The following THADA variants were observed in gnomAD, a reference collection of about 807,000 sequenced individuals.
THADA encodes the protein tRNA (32-2'-O)-methyltransferase regulator THADA.
A neutral mutation model predicts 219.8 loss-of-function variants in THADA; 213 were observed. The ratio of observed to expected loss-of-function variants is 0.97; its 90% CI spans 0.87 to 1.09. The LOEUF is 1.09. Ranked by LOEUF, THADA falls within the 50% of genes least tolerant of loss-of-function variation. The probability of loss-of-function intolerance (pLI) is 0.00; values close to 1 mark genes in which losing one functional copy is unlikely to be tolerated. For synonymous variants in THADA, 1,018 were observed against 828.9 expected (o/e 1.23, Z -3.92); for missense variants, 2,956 against 2,311.3 (o/e 1.28, Z -5.72).
At chr2:43,398,183 A>G (rs1156258469) in intron 28 of THADA, 44 bp from the exon 29 acceptor site, 1 of 1,585,756 alleles carries the variant, frequency 6.3e-7, no homozygotes, top group South Asian at 1.1e-5. Context: ...AGTCATCTCC[A>G]CATCTGTGAC....
intron 26 of THADA, among the ~76,000 whole-genome samples, chr2:43,479,888 G>A (rs992775588): frequency 1.3e-5 from 2 of 152,160 alleles, no homozygotes; most frequent in African/African-American, 4.8e-5. Flanking sequence ...GAATCTTAAA[G>A]TCAACCCAAA....
At chr2:43,479,801 C>T (rs1054609444) in intron 26 of THADA, among the ~76,000 whole-genome samples, 7 of 152,148 alleles carry the variant, frequency 4.6e-5, no homozygotes, top group Admixed American at 2.6e-4. Context: ...ATGAGAACAG[C>T]GAGGGGCTCA....
chr2:43,579,923 G>C (rs1022352838), intron 8 of THADA, among the ~76,000 whole-genome samples: 4 of 151,778 alleles, frequency 2.6e-5, no homozygotes, highest in Admixed American at 6.6e-5. Context: ...TTGGTTTTCA[G>C]TTACTTGCAG....
chr2:43,310,223 CCCG>C (rs1333915403), intron 31 of THADA, among the ~76,000 whole-genome samples: 12,165 of 52,914 alleles, frequency 0.23, 907 homozygotes, highest in African/African-American at 0.36. Context: ...CCCTCCCTTT[CCCG>C]CCCCCCCCCC....
chr2:43,273,222 C>A (rs961751912), intron 36 of THADA, among the ~76,000 whole-genome samples: 1 of 151,114 alleles, frequency 6.6e-6, no homozygotes, highest in Non-Finnish European at 1.5e-5. Flanking sequence ...ACTGCACTCT[C>A]GCCTGGGCGC....
chr2:43,307,048 A>G (rs1676946919), intron 31 of THADA, among the ~76,000 whole-genome samples: 1 of 152,236 alleles, frequency 6.6e-6, no homozygotes, highest in Admixed American at 6.5e-5. Flanking sequence ...TCTGTCTATG[A>G]AAGATTAACC....
At chr2:43,478,403 T>C (rs999166356) in intron 26 of THADA, among the ~76,000 whole-genome samples, 2 of 152,212 alleles carry the variant, frequency 1.3e-5, no homozygotes, top group African/African-American at 4.8e-5. Flanking sequence ...GGTATTGCTC[T>C]ACAGGTATTG....
chr2:43,562,213 T>A (rs1425709656), intron 15 of THADA: 1 of 152,186 alleles, frequency 6.6e-6, no homozygotes, highest in Non-Finnish European at 1.5e-5. Flanking sequence ...TTTTCTTTCC[T>A]TTTCTTTCTT....
At chr2:43,549,000 C>A (rs941478993) in intron 20 of THADA, among the ~76,000 whole-genome samples, 1 of 152,160 alleles carries the variant, frequency 6.6e-6, no homozygotes. Flanking sequence ...TGTTCCTATT[C>A]GGCCATCTTG....
At chr2:43,454,602 A>AACACACACACACACAC (rs35970227) in intron 26 of THADA, among the ~76,000 whole-genome samples, 1 of 148,976 alleles carries the variant, frequency 6.7e-6, no homozygotes, top group South Asian at 2.1e-4. Context: ...ACCCTGTCTA[A>AACACACACACACACAC]ACACACACAC....
intron 36 of THADA, among the ~76,000 whole-genome samples, chr2:43,256,604 A>G (rs1270832894): frequency 6.8e-6 from 1 of 146,420 alleles, no homozygotes. Context: ...TAAATAAATA[A>G]ATAAATAATT....
intron 26 of THADA, among the ~76,000 whole-genome samples, chr2:43,466,735 C>T (rs893432182): frequency 6.6e-6 from 1 of 152,104 alleles, no homozygotes; most frequent in Non-Finnish European, 1.5e-5. Flanking sequence ...CACAAAAACC[C>T]TAAGAGATAT....
chr2:43,561,537 G>A (rs1698063712), intron 15 of THADA, among the ~76,000 whole-genome samples: 1 of 152,150 alleles, frequency 6.6e-6, no homozygotes, highest in Admixed American at 6.5e-5. Flanking sequence ...TTTCACAAGT[G>A]AACTCCTAAT....
In THADA at chr2:43,371,176, C is replaced by T. The variant is rs530723930; in HGVS notation, c.4227+26795G>A. 6.1e-4 allele frequency among the ~76,000 whole-genome samples: 93 copies of T among 152,168 alleles called. No homozygotes were observed. In the South Asian group the frequency reaches 0.013, roughly 22 times the overall value. On this transcript the variant is annotated intron_variant, in intron 29 of 37. Transcript: ENST00000405975. ...TTTTAATTAACCATAAGCTTCAGTC[C>T]TTGGGGAACCTTTTTAGATAAAGAA...
At chr2:43,327,871 C>T (rs1015695757) in intron 30 of THADA, among the ~76,000 whole-genome samples, 2 of 152,136 alleles carry the variant, frequency 1.3e-5, no homozygotes, top group South Asian at 2.1e-4. Flanking sequence ...CTGTCTGAAC[C>T]CAGGATATTT....
At chr2:43,442,742 C>T (rs367828021) in intron 26 of THADA, among the ~76,000 whole-genome samples, 2 of 152,142 alleles carry the variant, frequency 1.3e-5, no homozygotes, top group African/African-American at 4.8e-5. Flanking sequence ...ACCCCATGGA[C>T]CTTCACTAAA....
intron 31 of THADA, among the ~76,000 whole-genome samples, chr2:43,295,923 T>A (rs965798197): frequency 6.7e-6 from 1 of 149,916 alleles, no homozygotes; most frequent in South Asian, 2.1e-4. Context: ...CTACTGTTTT[T>A]TTTTTTTTTT....
At chr2:43,284,401 C>A (rs1025237615) in intron 35 of THADA, among the ~76,000 whole-genome samples, 2 of 152,232 alleles carry the variant, frequency 1.3e-5, no homozygotes, top group Middle Eastern at 3.4e-3. Flanking sequence ...CTAAAAGGGG[C>A]CAAGGTACAG....
intron 22 of THADA, among the ~76,000 whole-genome samples, chr2:43,526,313 C>T (rs1166544814): frequency 6.8e-6 from 1 of 147,280 alleles, no homozygotes; most frequent in East Asian, 1.9e-4. Flanking sequence ...TGCCTCTCTC[C>T]ATCCCTGCTA....
Sources: allele counts gnomAD v4.1 joint callset (sites outside exome capture counted in the v4.1 genomes callset), GRCh38; gene constraint gnomAD v4.1.1; transcripts MANE v1.5; gene names NCBI Gene and HGNC (gene_info 2026-07-23, HGNC 2026-07-21).